The following CPEB4 variants were observed in gnomAD, a reference collection of about 807,000 sequenced individuals.
CPEB4 encodes the protein cytoplasmic polyadenylation element-binding protein 4.
In CPEB4, 12 loss-of-function variants were observed where a neutral mutation model predicts 72.5. That is an observed-to-expected ratio of 0.17 (90% CI 0.11 to 0.27). The LOEUF (loss-of-function observed/expected upper bound fraction) is 0.27, where lower values mean the gene tolerates loss of function less well. Ranked by LOEUF, CPEB4 falls within the 10% of genes least tolerant of loss-of-function variation. The pLI, the probability that CPEB4 is intolerant of heterozygous loss-of-function variation, is 1.00. For synonymous variants in CPEB4, 302 were observed against 326.3 expected, an observed-to-expected ratio of 0.93 and a Z score of 0.80; for missense variants, 614 against 908.5, an observed-to-expected ratio of 0.68 and a Z score of 4.17.
At chr5:173,894,085 C>G (rs1256249745) in intron 1 of CPEB4, among the ~76,000 whole-genome samples, 2 of 152,240 alleles carry the variant, frequency 1.3e-5, no homozygotes, top group Non-Finnish European at 2.9e-5. Flanking sequence ...CTTGACCTCC[C>G]TGGGCTCAAG....
At chr5:173,911,629 T>C (rs1386071736) in intron 2 of CPEB4, among the ~76,000 whole-genome samples, 1 of 149,984 alleles carries the variant, frequency 6.7e-6, no homozygotes, top group Non-Finnish European at 1.5e-5. Context: ...GAAAAGTATC[T>C]CACAAAATAA....
intron 3 of CPEB4, among the ~76,000 whole-genome samples, chr5:173,934,449 A>G (rs1477022231): frequency 2.0e-5 from 3 of 152,180 alleles, no homozygotes; most frequent in African/African-American, 7.2e-5. Context: ...ACTGAAAGAC[A>G]TGAAGATAAA....
intron 2 of CPEB4, among the ~76,000 whole-genome samples, chr5:173,925,127 AGAAGTTGAAG>A (rs1757199060): frequency 6.6e-6 from 1 of 152,186 alleles, no homozygotes; most frequent in South Asian, 2.1e-4. Flanking sequence ...GGAGTTACCC[AGAAGTTGAAG>A]TTATGGGCCA....
At chr5:173,892,267 A>C (rs1021272360) in intron 1 of CPEB4, among the ~76,000 whole-genome samples, 2 of 97,954 alleles carry the variant, frequency 2.0e-5, no homozygotes, top group Non-Finnish European at 4.3e-5. Flanking sequence ...TTCGACTTCT[A>C]AAAACGATTT....
rs1755703976 is a variant in CPEB4 at position 173,888,899 on chromosome 5, C to G, written c.-835C>G. 1 of 206,718 alleles carries G rather than the reference C, an allele frequency of 4.8e-6. No individual in the cohort carries two copies. Among genetic ancestry groups the G allele is most frequent in the South Asian group, 1.9e-4 (1 of 5,370 alleles). The allele number at this position is 206,718 out of a possible 1,614,324, so 12.8% of individuals were successfully genotyped here. On this transcript the variant is annotated 5_prime_UTR_variant, in exon 1 of 10. Transcript: ENST00000265085. The surrounding 1 kb of genome is among the most constrained non-coding windows in gnomAD (Gnocchi z 4.3). ...GCTAATCCCTCCTGATCGCGACCCC[C>G]GCAAGAGGGAGAAACGGGTGTTTCC...
At chr5:173,915,618 G>C (rs949561122) in intron 2 of CPEB4, among the ~76,000 whole-genome samples, 2 of 152,160 alleles carry the variant, frequency 1.3e-5, no homozygotes, top group African/African-American at 4.8e-5. Context: ...TGATCTCCCA[G>C]GTGGCAGCTT....
chr5:173,921,869 C>G (rs932252570), intron 2 of CPEB4, among the ~76,000 whole-genome samples: 1 of 152,210 alleles, frequency 6.6e-6, no homozygotes, highest in African/African-American at 2.4e-5. Context: ...GCAGCATTAA[C>G]CAGTTTCAAG....
At chr5:173,936,035 C>G (rs1199365383) in intron 3 of CPEB4, among the ~76,000 whole-genome samples, 1 of 152,122 alleles carries the variant, frequency 6.6e-6, no homozygotes, top group Non-Finnish European at 1.5e-5. Flanking sequence ...GGGAATTTTT[C>G]AATTTATTGC....
intron 1 of CPEB4, among the ~76,000 whole-genome samples, chr5:173,906,467 A>G (rs980910462): frequency 6.6e-6 from 1 of 152,256 alleles, no homozygotes; most frequent in Non-Finnish European, 1.5e-5. Context: ...AAGCATCATA[A>G]ACAAAATGTT....
intron 5 of CPEB4, among the ~76,000 whole-genome samples, chr5:173,945,506 C>T (rs1240683909): frequency 6.6e-6 from 1 of 152,146 alleles, no homozygotes; most frequent in African/African-American, 2.4e-5. Flanking sequence ...TTTATGAGTG[C>T]TCCACAAATG....
Position 173,890,468 on chromosome 5 carries a change from G to A in CPEB4, c.735G>A (p.Gln245=). The A allele has an allele frequency of 6.2e-7, 1 of 1,611,626 alleles. No individual in the cohort carries two copies. Among genetic ancestry groups the A allele is most frequent in the Non-Finnish European group, 8.5e-7 (1 of 1,178,670 alleles). ...HHPHFQHHHS[Q]HQQQRRSPAS... ...CTCATTTCCAGCATCATCACAGCCA[G>A]CATCAGCAGCAAAGGAGGTCTCCTG... The change falls in exon 1 of 10, where the codon CAG becomes CAA. Residue 245 remains glutamine, a synonymous_variant. Transcript: ENST00000265085.
rs762789756 is a variant in CPEB4 at position 173,943,002 on chromosome 5, GTTTTT to G, written c.1259-21_1259-17del. Reference sequence around the variant, plus strand: ...AAGGTTGTTTTGTTTTTTTGTTTTTGTTTTTTTCTCATTTGACATGCAGCAAGGAC... The same window carrying G: ...AAGGTTGTTTTGTTTTTTTGTTTTTGTTCTCATTTGACATGCAGCAAGGAC... On this transcript the variant is annotated intron_variant, in intron 3 of 9. Coordinates refer to ENST00000265085, the MANE Select transcript of CPEB4 (RefSeq NM_030627.4). 1.2e-6 allele frequency: 2 copies of G among 1,602,092 alleles called. No homozygotes were observed. The highest frequency in any genetic ancestry group is 1.7e-6 in the Non-Finnish European group (2 of 1,175,470).
In CPEB4 at chr5:173,944,989, G is replaced by A. The variant is rs1414268634; in HGVS notation, c.1305G>A (p.Met435Ile). ...CAGGTCAGTCTTCACTGTTTCCAAT[G>A]GAAGATGGATTCTTGGATGATGGCC... ...RRRGQSSLFP[M>I]EDGFLDDGRG... The change falls in exon 5 of 10, where the codon ATG becomes ATA. Residue 435 changes from methionine to isoleucine, a missense_variant. This residue lies in a region of CPEB4 where 458 missense variants were observed against 548.6 expected (regional missense o/e 0.83). Coordinates refer to ENST00000265085, the MANE Select transcript of CPEB4 (RefSeq NM_030627.4). 2.5e-6 allele frequency: 4 copies of A among 1,612,726 alleles called. No individual in the cohort carries two copies. Among genetic ancestry groups the A allele is most frequent in the South Asian group, 1.1e-5 (1 of 90,894 alleles).
chr5:173,945,164 A>C, intron 5 of CPEB4, 24 bp downstream of exon 5: 4 of 1,591,546 alleles, frequency 2.5e-6, no homozygotes, highest in Non-Finnish European at 3.4e-6. Flanking sequence ...TGTTTATAGC[A>C]CGGTGCCCAG....
chr5:173,925,005 G>C (rs537626761), intron 2 of CPEB4, among the ~76,000 whole-genome samples: 1 of 152,198 alleles, frequency 6.6e-6, no homozygotes, highest in Non-Finnish European at 1.5e-5. Context: ...GGCAGGGAAG[G>C]CTTCTCATAA....
At chr5:173,896,810 A>G (rs1756031526) in intron 1 of CPEB4, among the ~76,000 whole-genome samples, 1 of 152,338 alleles carries the variant, frequency 6.6e-6, no homozygotes, top group Middle Eastern at 3.4e-3. Flanking sequence ...CTGTGATCCT[A>G]GTACTTTGGG....
At chr5:173,895,640 A>T (rs898709488) in intron 1 of CPEB4, among the ~76,000 whole-genome samples, 1 of 152,194 alleles carries the variant, frequency 6.6e-6, no homozygotes, top group Non-Finnish European at 1.5e-5. Context: ...GGATCTTTGC[A>T]TAGGAAACAT....
chr5:173,927,430 A>C (rs960321344), intron 2 of CPEB4, among the ~76,000 whole-genome samples: 3 of 152,202 alleles, frequency 2.0e-5, no homozygotes, highest in Non-Finnish European at 4.4e-5. Context: ...ATGATTAGGT[A>C]AGAAAGTTAG....
chr5:173,909,630 C>T (rs1284276194), intron 1 of CPEB4, among the ~76,000 whole-genome samples: 2 of 151,912 alleles, frequency 1.3e-5, no homozygotes, highest in Non-Finnish European at 1.5e-5. Flanking sequence ...GAAGGCAAAT[C>T]ATTAACAGTC....
Sources: gnomAD v4.1 joint callset for allele counts (sites outside exome capture counted in the v4.1 genomes callset) on GRCh38, gnomAD v4.1.1 for gene constraint, gnomAD v4.1.1 regional missense constraint, Gnocchi (gnomAD v3.1) non-coding constraint, MANE v1.5 for transcripts, NCBI Gene and HGNC (gene_info 2026-07-23, HGNC 2026-07-21) for gene names.